The following BTBD10 variants were observed in gnomAD, a reference collection of about 807,000 sequenced individuals.
BTBD10 encodes BTB/POZ domain-containing protein 10.
In BTBD10, 21 loss-of-function variants were observed where a neutral mutation model predicts 53.2. The observed-to-expected ratio is 0.39, with a 90% CI of 0.28 to 0.57. The LOEUF (loss-of-function observed/expected upper bound fraction) is 0.57. BTBD10 is among the 20% of genes least tolerant of loss of function. The probability of loss-of-function intolerance (pLI) is 0.53; values close to 1 mark genes in which losing one functional copy is unlikely to be tolerated. For synonymous variants in BTBD10, 149 were observed against 192.7 expected (o/e 0.77, Z 1.88); for missense variants, 360 against 594.7 (o/e 0.61, Z 4.10).
intron 8 of BTBD10, among the ~76,000 whole-genome samples, chr11:13,398,115 T>C (rs1949605000): frequency 6.6e-6 from 1 of 152,184 alleles, no homozygotes; most frequent in Admixed American, 6.5e-5. Context: ...TTCTGTCTCA[T>C]TGATCTGTCT....
At chr11:13,415,107 C>CTTTTTTTTTTTTTTTTTTTTTTTTTTTT (rs756343405) in intron 5 of BTBD10, among the ~76,000 whole-genome samples, 1 of 127,092 alleles carries the variant, frequency 7.9e-6, no homozygotes, top group Non-Finnish European at 1.7e-5. Context: ...TCAATCAAAC[C>CTTTTTTTTTTTTTTTTTTTTTTTTTTTT]TTTTTTTTTT....
intron 1 of BTBD10, among the ~76,000 whole-genome samples, chr11:13,457,184 A>T (rs1412463810): frequency 6.6e-6 from 1 of 152,058 alleles, no homozygotes; most frequent in Non-Finnish European, 1.5e-5. Context: ...ATAAATAAAT[A>T]AATAAAATAA....
At position 13,418,859 on chromosome 11, in the gene BTBD10, T is replaced by C. The variant is rs191279157; in HGVS notation, c.584+601A>G. Among the ~76,000 whole-genome samples, 944 of 152,256 alleles carry C rather than the reference T, an allele frequency of 6.2e-3. 6 individuals are homozygous for C. Among genetic ancestry groups the C allele is most frequent in the South Asian group, 0.017 (81 of 4,832 alleles). On this transcript the variant is annotated intron_variant, in intron 4 of 8. Transcript: ENST00000278174. Reference sequence around the variant, plus strand: ...AAGTCTATATTGTCTATATCCTTCTTAGACTGTGGTTCCCATAACTGCAAA... The same window carrying C: ...AAGTCTATATTGTCTATATCCTTCTCAGACTGTGGTTCCCATAACTGCAAA...
intron 8 of BTBD10, among the ~76,000 whole-genome samples, chr11:13,397,636 G>T (rs1472440770): frequency 1.3e-5 from 2 of 151,972 alleles, no homozygotes; most frequent in Non-Finnish European, 2.9e-5. Flanking sequence ...GTGATGTTAG[G>T]GTGTCAATTT....
At chr11:13,397,777 G>A (rs975444347) in intron 8 of BTBD10, among the ~76,000 whole-genome samples, 4 of 152,126 alleles carry the variant, frequency 2.6e-5, no homozygotes, top group African/African-American at 9.7e-5. Context: ...ACAGCTTTAT[G>A]TCTGCCTTCA....
At chr11:13,430,132 A>C (rs1443993271) in intron 2 of BTBD10, among the ~76,000 whole-genome samples, 1 of 152,064 alleles carries the variant, frequency 6.6e-6, no homozygotes, top group Non-Finnish European at 1.5e-5. Context: ...AATAATAGAG[A>C]CTAAAAACAC....
intron 2 of BTBD10, among the ~76,000 whole-genome samples, chr11:13,432,745 A>G (rs993778490): frequency 6.6e-6 from 1 of 152,074 alleles, no homozygotes; most frequent in African/African-American, 2.4e-5. Flanking sequence ...AGAAATTTTT[A>G]CAAAGTTACT....
At chr11:13,417,438 T>C (rs1258866607) in intron 4 of BTBD10, among the ~76,000 whole-genome samples, 178 bp from the exon 5 acceptor site, 2 of 152,188 alleles carry the variant, frequency 1.3e-5, no homozygotes, top group African/African-American at 2.4e-5. Context: ...ATTTTCTTTT[T>C]GATGGTAGGG....
intron 6 of BTBD10, among the ~76,000 whole-genome samples, chr11:13,413,313 AAG>A (rs1408955036): frequency 6.6e-6 from 1 of 152,230 alleles, no homozygotes; most frequent in Non-Finnish European, 1.5e-5. Flanking sequence ...TTTGTCAAAA[AAG>A]AAAATTATTA....
chr11:13,436,360 G>A (rs564023064), intron 2 of BTBD10, among the ~76,000 whole-genome samples: 12 of 152,308 alleles, frequency 7.9e-5, no homozygotes, highest in Admixed American at 3.3e-4. Flanking sequence ...CCACCAGTAT[G>A]CTAGTACTTC....
At chr11:13,403,367 C>T (rs1949751312) in intron 7 of BTBD10, 89 bp from the exon 8 acceptor site, 1 of 696,342 alleles carries the variant, frequency 1.4e-6, no homozygotes, top group African/African-American at 1.9e-5. Flanking sequence ...AGGGGCCTAA[C>T]AGTCCTAAAA....
chr11:13,409,029 C>T (rs1054693710), intron 6 of BTBD10, among the ~76,000 whole-genome samples: 9 of 152,080 alleles, frequency 5.9e-5, no homozygotes, highest in African/African-American at 1.7e-4. Flanking sequence ...TGTTCAAACC[C>T]GTCCCATATC....
chr11:13,412,223 G>A (rs1002814916), intron 6 of BTBD10, among the ~76,000 whole-genome samples: 24 of 152,154 alleles, frequency 1.6e-4, no homozygotes, highest in East Asian at 5.8e-4. Flanking sequence ...GGAGACCGAC[G>A]CAGGTGCATC....
chr11:13,390,412 C>T (rs1949375635), intron 8 of BTBD10, among the ~76,000 whole-genome samples: 1 of 151,676 alleles, frequency 6.6e-6, no homozygotes, highest in South Asian at 2.1e-4. Flanking sequence ...GGTGCTGTCT[C>T]GGCTCACTGC....
At chr11:13,458,676 GTCTC>G (rs889977866) in intron 1 of BTBD10, among the ~76,000 whole-genome samples, 5 of 152,158 alleles carry the variant, frequency 3.3e-5, no homozygotes, top group African/African-American at 9.7e-5. Flanking sequence ...AATCCCACCA[GTCTC>G]TCTAATAATT....
chr11:13,410,157 T>A lies in BTBD10; in HGVS notation c.808+3373A>T, dbSNP rs544692092. ...TCCCAAAAACAACTGAAATAAAATT[T>A]AAAAAAAATTAAAGTTGACACTTAG... On this transcript the variant is annotated intron_variant, in intron 6 of 8. Coordinates refer to ENST00000278174, the MANE Select transcript of BTBD10 (RefSeq NM_032320.7). Among the ~76,000 whole-genome samples the A allele has an allele frequency of 8.6e-4, 131 of 151,936 alleles. 1 individual carries two copies. The highest frequency in any genetic ancestry group is 1.4e-3 in the Non-Finnish European group (92 of 67,928).
At chr11:13,410,838 A>G (rs1004817007) in intron 6 of BTBD10, among the ~76,000 whole-genome samples, 3 of 152,238 alleles carry the variant, frequency 2.0e-5, no homozygotes, top group Non-Finnish European at 4.4e-5. Flanking sequence ...AGCAGAAACT[A>G]TATGAAGAAA....
chr11:13,425,042 T>G (rs1950310490), intron 2 of BTBD10, among the ~76,000 whole-genome samples: 1 of 151,488 alleles, frequency 6.6e-6, no homozygotes, highest in Non-Finnish European at 1.5e-5. Flanking sequence ...ATTTGCAGAG[T>G]CCTCCTTGAG....
At chr11:13,409,267 T>C (rs577301565) in intron 6 of BTBD10, among the ~76,000 whole-genome samples, 1 of 152,346 alleles carries the variant, frequency 6.6e-6, no homozygotes, top group South Asian at 2.1e-4. Context: ...TGAAAGTTTC[T>C]CTGGCTCCTC....
Sources: gnomAD v4.1 joint callset for allele counts (sites outside exome capture counted in the v4.1 genomes callset) on GRCh38, gnomAD v4.1.1 for gene constraint, MANE v1.5 for transcripts, NCBI Gene and HGNC (gene_info 2026-07-23, HGNC 2026-07-21) for gene names.